CFAP210: variants seen among roughly 807,000 people sequenced by gnomAD.
CFAP210 encodes the protein cilia- and flagella- associated protein 210.
At chr2:169,654,188 G>A in the CFAP210 span, 6 of 1,590,012 alleles carry the variant, frequency 3.8e-6, no homozygotes, top group South Asian at 5.7e-5. Flanking sequence ...CTACAGCTTT[G>A]ATAATATGTT....
chr2:169,676,548 C>G, the CFAP210 span, among the ~76,000 whole-genome samples: 1 of 124,194 alleles, frequency 8.1e-6, no homozygotes, highest in African/African-American at 3.0e-5. Flanking sequence ...TTATAGTCAA[C>G]CACTCCCCCT....
At chr2:169,673,690 A>G in the CFAP210 span, among the ~76,000 whole-genome samples, 75 of 152,326 alleles carry the variant, frequency 4.9e-4, 1 homozygote, top group African/African-American at 1.7e-3. Context: ...TTCAGGAAAA[A>G]AGTCTGTGTC....
chr2:169,686,864 T>C, the CFAP210 span, among the ~76,000 whole-genome samples: 15 of 152,068 alleles, frequency 9.9e-5, no homozygotes, highest in Non-Finnish European at 1.9e-4. Context: ...ATGAAATATG[T>C]ATTAGTATAT....
At chr2:169,677,549 C>T in the CFAP210 span, among the ~76,000 whole-genome samples, 8 of 152,232 alleles carry the variant, frequency 5.3e-5, no homozygotes, top group South Asian at 4.1e-4. Context: ...TCAACAATTT[C>T]GATATAGAAG....
the CFAP210 span, among the ~76,000 whole-genome samples, chr2:169,692,169 A>G: frequency 3.2e-3 from 492 of 152,138 alleles, 4 homozygotes; most frequent in African/African-American, 0.011. Context: ...AAAGCCCCCT[A>G]TGGACATATC....
chr2:169,653,533 C>A, the CFAP210 span, among the ~76,000 whole-genome samples: 1 of 152,018 alleles, frequency 6.6e-6, no homozygotes, highest in African/African-American at 2.4e-5. Context: ...ACCTCTACAC[C>A]CCATACCAAA....
At chr2:169,666,047 A>G in the CFAP210 span, among the ~76,000 whole-genome samples, 1 of 152,088 alleles carries the variant, frequency 6.6e-6, no homozygotes, top group African/African-American at 2.4e-5. Flanking sequence ...ATTCTTATAA[A>G]GACAACCCAC....
At chr2:169,650,283 CCTAACT>C in the CFAP210 span, 2 of 1,487,062 alleles carry the variant, frequency 1.3e-6, no homozygotes, top group African/African-American at 2.8e-5. Flanking sequence ...GTGGAAAGGT[CCTAACT>C]CTGTCTTTCT....
At chr2:169,660,849 T>C in the CFAP210 span, 4 of 280,914 alleles carry the variant, frequency 1.4e-5, no homozygotes, top group Non-Finnish European at 2.8e-5. Context: ...GAGATCTGCC[T>C]GCCTTAGCCT....
the CFAP210 span, among the ~76,000 whole-genome samples, chr2:169,692,444 G>GCGCA: frequency 0.012 from 1,687 of 143,772 alleles, 11 homozygotes; most frequent in South Asian, 0.018. Flanking sequence ...ACAGGCGCAC[G>GCGCA]CACACACACA....
At chr2:169,676,444 T>C in the CFAP210 span, among the ~76,000 whole-genome samples, 2 of 152,210 alleles carry the variant, frequency 1.3e-5, no homozygotes, top group Non-Finnish European at 2.9e-5. Context: ...GTTTTCTATA[T>C]TATAATTTAC....
At chr2:169,654,592 A>C in the CFAP210 span, among the ~76,000 whole-genome samples, 2 of 152,310 alleles carry the variant, frequency 1.3e-5, no homozygotes, top group African/African-American at 2.4e-5. Flanking sequence ...TCACAAATAC[A>C]TGTAAGTACA....
At chr2:169,672,605 A>T in the CFAP210 span, among the ~76,000 whole-genome samples, 1 of 152,202 alleles carries the variant, frequency 6.6e-6, no homozygotes, top group African/African-American at 2.4e-5. Flanking sequence ...TCTGATGTCC[A>T]AGGGCAGGAA....
the CFAP210 span, among the ~76,000 whole-genome samples, chr2:169,648,611 A>T: frequency 4.6e-5 from 7 of 152,342 alleles, no homozygotes; most frequent in South Asian, 8.3e-4. Context: ...ATCTTTGGTC[A>T]TTAGAGAAAT....
At chr2:169,656,448 A>C in the CFAP210 span, among the ~76,000 whole-genome samples, 1 of 138,324 alleles carries the variant, frequency 7.2e-6, no homozygotes, top group African/African-American at 2.8e-5. Flanking sequence ...AAGAGGAGGA[A>C]GATGAAGTAG....
chr2:169,678,352 AAAAAAAAAAAAG>A, the CFAP210 span, among the ~76,000 whole-genome samples: 1 of 150,976 alleles, frequency 6.6e-6, no homozygotes, highest in African/African-American at 2.4e-5. Context: ...AAAAAAAAAA[AAAAAAAAAAAAG>A]AAAGAAAGAA....
chr2:169,686,004 G>A, the CFAP210 span, among the ~76,000 whole-genome samples: 1 of 152,088 alleles, frequency 6.6e-6, no homozygotes. Flanking sequence ...CTTGGTGACT[G>A]TAGTTTTTTT....
At chr2:169,686,114 T>A in the CFAP210 span, among the ~76,000 whole-genome samples, 2 of 152,140 alleles carry the variant, frequency 1.3e-5, no homozygotes, top group Non-Finnish European at 2.9e-5. Flanking sequence ...GAACTCCCGG[T>A]CTCAAGTGAT....
the CFAP210 span, among the ~76,000 whole-genome samples, chr2:169,684,590 AAAT>A: frequency 6.6e-6 from 1 of 152,182 alleles, no homozygotes; most frequent in Admixed American, 6.5e-5. Flanking sequence ...TCTTTCACTC[AAAT>A]AATGTTTTCA....
Sources: allele counts gnomAD v4.1 joint callset (sites outside exome capture counted in the v4.1 genomes callset), GRCh38; gene constraint gnomAD v4.1.1; transcripts MANE v1.5; gene names NCBI Gene and HGNC (gene_info 2026-07-23, HGNC 2026-07-21).